RABGAP1L: variants seen among roughly 807,000 people sequenced by gnomAD.
The protein encoded by RABGAP1L is rab GTPase-activating protein 1-like.
A neutral mutation model predicts 137.7 loss-of-function variants in RABGAP1L; 63 were observed. The ratio of observed to expected loss-of-function variants is 0.46; its 90% CI spans 0.37 to 0.56. RABGAP1L has a LOEUF of 0.56. RABGAP1L is among the 20% of genes least tolerant of loss of function. The pLI, the probability that RABGAP1L is intolerant of heterozygous loss-of-function variation, is 0.00. For missense variants in RABGAP1L, 1,095 were observed against 1,244.0 expected (o/e 0.88, Z 1.80); for synonymous variants, 431 against 433.7 (o/e 0.99, Z 0.08).
intron 11 of RABGAP1L, among the ~76,000 whole-genome samples, chr1:174,331,263 T>C (rs1435353764): frequency 6.6e-6 from 1 of 152,144 alleles, no homozygotes; most frequent in Non-Finnish European, 1.5e-5. Flanking sequence ...ACACTGTAAG[T>C]GATTGGTCTG....
intron 13 of RABGAP1L, among the ~76,000 whole-genome samples, chr1:174,477,860 A>G (rs1424586744): frequency 1.3e-5 from 2 of 152,162 alleles, no homozygotes; most frequent in Non-Finnish European, 2.9e-5. Context: ...TTAAATTAGC[A>G]TTTAGAGATC....
rs146737785 is a variant in RABGAP1L at position 174,250,600 on chromosome 1, G to A, written c.843G>A (p.Glu281=). Residue 281 remains glutamate, a synonymous_variant, in exon 6 of 26, where the codon GAG becomes GAA. Transcript: ENST00000681986. Reference sequence around the variant, plus strand: ...TGTTTACCTTCAGTGTCTCCTTGGAGGTAAAAGAAGACGATGGAAAAGGAA... The same window carrying A: ...TGTTTACCTTCAGTGTCTCCTTGGAAGTAAAAGAAGACGATGGAAAAGGAA... ...SDVFTFSVSL[E]VKEDDGKGNF... is the part of the protein sequence containing the mutation. 1.2e-6 allele frequency: 2 copies of A among 1,613,136 alleles called. No individual in the cohort carries two copies. The highest frequency in any genetic ancestry group is 1.7e-6 in the Non-Finnish European group (2 of 1,179,728).
At chr1:174,350,006 A>T (rs1571345401) in intron 11 of RABGAP1L, among the ~76,000 whole-genome samples, 1 of 96,414 alleles carries the variant, frequency 1.0e-5, no homozygotes. Context: ...GGCCGGGCTG[A>T]GGGGCTCCTC....
At chr1:174,815,148 C>G (rs1690261927) in intron 19 of RABGAP1L, among the ~76,000 whole-genome samples, 1 of 152,196 alleles carries the variant, frequency 6.6e-6, no homozygotes, top group Non-Finnish European at 1.5e-5. Context: ...CCTCCCCGTT[C>G]CCCACTCTGA....
rs1423963817 is a variant in RABGAP1L, at chr1:174,463,517, T to TG, written c.1710+69377dup. On this transcript the variant is annotated intron_variant, in intron 13 of 25. Transcript: ENST00000681986. ...TCACACTCTGGGGACTGTTGTGGGG[T>TG]GGGGGAGGGGGAAGGGATAGCATTA... 4.0e-5 allele frequency among the ~76,000 whole-genome samples: 3 copies of TG among 74,706 alleles called. No individual in the cohort carries two copies. The East Asian group carries it at 9.9e-4, about 25-fold the overall frequency. The allele number at this position is 74,706 out of a possible 152,430, so 49.0% of individuals were successfully genotyped here.
intron 12 of RABGAP1L, among the ~76,000 whole-genome samples, chr1:174,391,244 T>C (rs890024592): frequency 2.0e-5 from 3 of 152,192 alleles, no homozygotes; most frequent in African/African-American, 7.2e-5. Flanking sequence ...AGTGCTTCCA[T>C]ACCAACTCTT....
Position 174,399,308 on chromosome 1 carries a change from C to G in RABGAP1L, c.1710+5163C>G, listed in dbSNP as rs149415875. 1.0e-3 allele frequency among the ~76,000 whole-genome samples: 159 copies of G among 152,146 alleles called. 1 individual carries two copies. Among genetic ancestry groups the G allele is most frequent in the Admixed American group, 3.1e-3 (47 of 15,268 alleles). On this transcript the variant is annotated intron_variant, in intron 13 of 25. Transcript: ENST00000681986. Reference sequence around the variant, plus strand: ...TACTTTGGTGGTGAATACATCTGAGCTTATAGTCACTAAGTGGAAAGGGCA... The same window carrying G: ...TACTTTGGTGGTGAATACATCTGAGGTTATAGTCACTAAGTGGAAAGGGCA...
chr1:174,300,645 G>T (rs1025329579), intron 10 of RABGAP1L, among the ~76,000 whole-genome samples: 4 of 152,068 alleles, frequency 2.6e-5, no homozygotes, highest in African/African-American at 4.8e-5. Flanking sequence ...AGGCCTGGTG[G>T]CTTATGCCTG....
chr1:174,947,135 A>C (rs1246316124), intron 19 of RABGAP1L, among the ~76,000 whole-genome samples: 1 of 150,854 alleles, frequency 6.6e-6, no homozygotes, highest in African/African-American at 2.4e-5. Context: ...TAAGAGGTTT[A>C]AGTAAATTGC....
chr1:174,394,821 C>T (rs1335436191), intron 13 of RABGAP1L, among the ~76,000 whole-genome samples: 1 of 152,022 alleles, frequency 6.6e-6, no homozygotes, highest in Admixed American at 6.6e-5. Flanking sequence ...GACTTTGTTC[C>T]TCAGACTATA....
chr1:174,299,281 C>CT (rs1456491414), intron 10 of RABGAP1L, among the ~76,000 whole-genome samples: 1 of 152,188 alleles, frequency 6.6e-6, no homozygotes, highest in Non-Finnish European at 1.5e-5. Flanking sequence ...ATTCTCTCCT[C>CT]TTAGGGTCCC....
chr1:174,406,334 TTTG>T (rs1649274969), intron 13 of RABGAP1L, among the ~76,000 whole-genome samples: 1 of 152,202 alleles, frequency 6.6e-6, no homozygotes, highest in Non-Finnish European at 1.5e-5. Flanking sequence ...AAATATAGTT[TTTG>T]TTATCCTTCA....
intron 13 of RABGAP1L, among the ~76,000 whole-genome samples, chr1:174,517,645 G>A (rs1271028852): frequency 1.3e-5 from 2 of 152,128 alleles, no homozygotes; most frequent in Non-Finnish European, 2.9e-5. Flanking sequence ...GAATGTAAAT[G>A]CTATTTGATT....
chr1:174,548,135 C>T, intron 13 of RABGAP1L: 1 of 1,507,986 alleles, frequency 6.6e-7, no homozygotes, highest in Non-Finnish European at 8.9e-7. Flanking sequence ...CTTTATGGAT[C>T]ATTTCCCAGG....
At chr1:174,635,091 A>T (rs565866872) in intron 13 of RABGAP1L, among the ~76,000 whole-genome samples, 1 of 151,994 alleles carries the variant, frequency 6.6e-6, no homozygotes, top group Non-Finnish European at 1.5e-5. Flanking sequence ...GAAAAAAATT[A>T]CTCAGTGTTA....
At chr1:174,223,521 A>G (rs912892824) in intron 3 of RABGAP1L, among the ~76,000 whole-genome samples, 1 of 151,708 alleles carries the variant, frequency 6.6e-6, no homozygotes, top group African/African-American at 2.4e-5. Context: ...TGCCATTCAT[A>G]ATACCAACAA....
intron 18 of RABGAP1L, among the ~76,000 whole-genome samples, chr1:174,809,761 A>C (rs1689685002): frequency 6.6e-6 from 1 of 152,222 alleles, no homozygotes; most frequent in South Asian, 2.1e-4. Context: ...CTGGTATTAC[A>C]TGTGAAAAAC....
At chr1:174,259,006 C>G (rs1037477639) in intron 7 of RABGAP1L, among the ~76,000 whole-genome samples, 2 of 151,840 alleles carry the variant, frequency 1.3e-5, no homozygotes, top group Non-Finnish European at 2.9e-5. Context: ...CTGGGCTGGT[C>G]CCAAACTCCT....
intron 1 of RABGAP1L, among the ~76,000 whole-genome samples, chr1:174,179,261 C>T (rs1571396449): frequency 6.6e-6 from 1 of 152,124 alleles, no homozygotes; most frequent in African/African-American, 2.4e-5. Flanking sequence ...TAGCTTGTTC[C>T]ATTGAGAGAA....
Sources: allele counts gnomAD v4.1 joint callset (sites outside exome capture counted in the v4.1 genomes callset), GRCh38; gene constraint gnomAD v4.1.1; transcripts MANE v1.5; gene names NCBI Gene and HGNC (gene_info 2026-07-23, HGNC 2026-07-21).